The following LRTM1 variants were observed in gnomAD, a reference collection of about 807,000 sequenced individuals.
The protein encoded by LRTM1 is leucine rich repeat transmembrane protein 1, also known as leucine-rich repeat and transmembrane domain-containing protein 1.
LRTM1 carries 38 observed loss-of-function variants against 32.4 expected under a neutral mutation model. The observed-to-expected ratio is 1.17, with a 90% CI of 0.91 to 1.54. The LOEUF (loss-of-function observed/expected upper bound fraction) is 1.54. LRTM1 is among the 40% of genes most tolerant of loss of function. LRTM1 has a pLI of 0.00. For missense variants in LRTM1, 466 were observed against 415.4 expected, an observed-to-expected ratio of 1.12 and a Z score of -1.06; for synonymous variants, 186 against 169.9, an observed-to-expected ratio of 1.09 and a Z score of -0.74.
At chr3:54,943,098 A>T (rs945365314) in intron 1 of LRTM1, among the ~76,000 whole-genome samples, 7 of 151,918 alleles carry the variant, frequency 4.6e-5, no homozygotes, top group African/African-American at 1.7e-4. Context: ...GCTGCTAGGG[A>T]GGTTGAGGCA....
chr3:54,927,826 T>A lies in LRTM1; in HGVS notation c.7+79A>T, dbSNP rs1575382635. The A allele has an allele frequency of 1.9e-5, 27 of 1,453,852 alleles. No individual in the cohort carries two copies. The South Asian group carries it at 3.0e-4, about 16-fold the overall frequency. 90.1% of individuals were successfully genotyped at this position (1,453,852 alleles called of 1,614,324 possible). On this transcript the variant is annotated intron_variant, in intron 1 of 2. Transcript: ENST00000273286. ...AAGACAGACGACTTGAAAATAGATTTCCCGCAGATACCTTTGTGAGGGGAT... is the reference window on the plus strand; with the variant it reads ...AAGACAGACGACTTGAAAATAGATTACCCGCAGATACCTTTGTGAGGGGAT...
intron 1 of LRTM1, among the ~76,000 whole-genome samples, chr3:54,933,339 C>T (rs1177646249): frequency 6.6e-6 from 1 of 152,200 alleles, no homozygotes; most frequent in East Asian, 1.9e-4. Context: ...TTTCTCTTAT[C>T]ACAGTCTAGT....
At chr3:54,966,361 AG>A (rs1702150265) in intron 1 of LRTM1, among the ~76,000 whole-genome samples, 1 of 152,232 alleles carries the variant, frequency 6.6e-6, no homozygotes, top group East Asian at 1.9e-4. Flanking sequence ...ACTCAAAATC[AG>A]CTTCTTTCAG....
chr3:54,942,865 A>G (rs548959377), intron 1 of LRTM1, among the ~76,000 whole-genome samples: 5 of 152,230 alleles, frequency 3.3e-5, no homozygotes, highest in Admixed American at 2.0e-4. Flanking sequence ...TCTACTAAAA[A>G]TACAAAAAAT....
chr3:54,920,417 G>C (rs1011728718), intron 2 of LRTM1, among the ~76,000 whole-genome samples: 7 of 152,138 alleles, frequency 4.6e-5, no homozygotes, highest in Non-Finnish European at 8.8e-5. Context: ...CCCACCACCA[G>C]AGTGTCTTGG....
intron 1 of LRTM1, among the ~76,000 whole-genome samples, chr3:54,950,957 C>G (rs115411031): frequency 0.011 from 1,599 of 152,196 alleles, 36 homozygotes; most frequent in African/African-American, 0.036. Context: ...GAAACTGAAG[C>G]CAGGACAGTC....
rs533596688 is a variant in LRTM1 at position 54,918,332 on chromosome 3, C to CTTTTTTTTTTTTTTTTTTTT, written c.*107_*126dup. 2.6e-4 allele frequency: 59 copies of CTTTTTTTTTTTTTTTTTTTT among 228,022 alleles called. 8 individuals carry two copies. The highest frequency in any genetic ancestry group is 3.5e-4 in the Non-Finnish European group (44 of 126,154). The allele number at this position is 228,022 out of a possible 1,614,324, so 14.1% of individuals were successfully genotyped here. The stretch of plus-strand genomic sequence containing the variant: ...TTTTACAGACACATCTTTTTTTTTT[C>CTTTTTTTTTTTTTTTTTTTT]TTTTTTTTTTTTTTTTTTTTTTTGT... On this transcript the variant is annotated 3_prime_UTR_variant, in exon 3 of 3. Transcript: ENST00000273286.
At chr3:54,946,908 T>C (rs891964336) in intron 1 of LRTM1, among the ~76,000 whole-genome samples, 11 of 152,184 alleles carry the variant, frequency 7.2e-5, no homozygotes, top group Non-Finnish European at 1.3e-4. Flanking sequence ...TTATCTGTAA[T>C]TGTAACACTG....
intron 1 of LRTM1, among the ~76,000 whole-genome samples, chr3:54,950,696 A>G (rs547316855): frequency 6.6e-6 from 1 of 152,100 alleles, no homozygotes; most frequent in African/African-American, 2.4e-5. Flanking sequence ...CACGAAAGGA[A>G]CCCGTTCTTT....
intron 1 of LRTM1, among the ~76,000 whole-genome samples, chr3:54,940,244 A>G (rs1701433188): frequency 6.6e-6 from 1 of 152,216 alleles, no homozygotes; most frequent in Non-Finnish European, 1.5e-5. Context: ...CTCTTGGAAG[A>G]CTGCAACTAT....
intron 2 of LRTM1, among the ~76,000 whole-genome samples, chr3:54,921,234 A>G (rs1458403305): frequency 6.6e-6 from 1 of 152,170 alleles, no homozygotes; most frequent in African/African-American, 2.4e-5. Context: ...GAGTCTGAAC[A>G]TTACGTAGCT....
At chr3:54,929,014 C>G (rs1170295079), upstream of LRTM1, among the ~76,000 whole-genome samples, 1 of 152,164 alleles carries the variant, frequency 6.6e-6, no homozygotes, top group Non-Finnish European at 1.5e-5. Flanking sequence ...ACAAAATGTT[C>G]TGCTGTGTGT....
intron 1 of LRTM1, among the ~76,000 whole-genome samples, chr3:54,949,594 A>T (rs1701703915): frequency 6.6e-6 from 1 of 152,188 alleles, no homozygotes; most frequent in South Asian, 2.1e-4. Context: ...GCAGCACTGG[A>T]ATCAGGGCAC....
intron 1 of LRTM1, among the ~76,000 whole-genome samples, chr3:54,937,504 A>G (rs1701359963): frequency 6.6e-6 from 1 of 152,174 alleles, no homozygotes; most frequent in African/African-American, 2.4e-5. Flanking sequence ...GTATTTTCCA[A>G]TCTGTGTATT....
At chr3:54,966,252 A>G (rs1045966483) in intron 1 of LRTM1, among the ~76,000 whole-genome samples, 1 of 151,658 alleles carries the variant, frequency 6.6e-6, no homozygotes, top group African/African-American at 2.4e-5. Context: ...CCCTGGAGTG[A>G]CTCTTTCAGG....
intron 2 of LRTM1, among the ~76,000 whole-genome samples, chr3:54,919,438 A>C (rs1700772121): frequency 6.6e-6 from 1 of 152,234 alleles, no homozygotes; most frequent in Non-Finnish European, 1.5e-5. Flanking sequence ...GGATTTGACA[A>C]TACTGGAAGT....
upstream of LRTM1, among the ~76,000 whole-genome samples, chr3:54,932,658 C>G (rs180705947): frequency 4.9e-4 from 74 of 152,312 alleles, no homozygotes; most frequent in African/African-American, 1.7e-3. Context: ...CTGTCTTTCT[C>G]TGCCAAGGGG....
chr3:54,923,051 C>A (rs1164552669), intron 2 of LRTM1, among the ~76,000 whole-genome samples: 1 of 152,158 alleles, frequency 6.6e-6, no homozygotes, highest in Non-Finnish European at 1.5e-5. Flanking sequence ...TGACTGAAAT[C>A]ATCTTCTCCC....
chr3:54,956,789 T>C (rs1701907225), intron 1 of LRTM1, among the ~76,000 whole-genome samples: 1 of 152,174 alleles, frequency 6.6e-6, no homozygotes, highest in Non-Finnish European at 1.5e-5. Context: ...GTGCAAATAT[T>C]CTAGAGTGTT....
Sources: allele counts gnomAD v4.1 joint callset (sites outside exome capture counted in the v4.1 genomes callset), GRCh38; gene constraint gnomAD v4.1.1; transcripts MANE v1.5; gene names NCBI Gene and HGNC (gene_info 2026-07-23, HGNC 2026-07-21).